PHF21B: variants seen among roughly 807,000 people sequenced by gnomAD.
The protein encoded by PHF21B is PHD finger protein 21B, also known as PHD finger protein 4.
A neutral mutation model predicts 62.2 loss-of-function variants in PHF21B; 22 were observed. The ratio of observed to expected loss-of-function variants is 0.35; its 90% CI spans 0.25 to 0.51. The LOEUF is 0.51. Among genes scored for constraint, PHF21B ranks in the 20% least tolerant of loss-of-function variants. The probability of loss-of-function intolerance (pLI) is 0.97; values close to 1 mark genes in which losing one functional copy is unlikely to be tolerated. For missense variants in PHF21B, 701 were observed against 707.9 expected (o/e 0.99, Z 0.11); for synonymous variants, 341 against 314.7 (o/e 1.08, Z -0.88).
intron 2 of PHF21B, among the ~76,000 whole-genome samples, chr22:44,935,108 C>T (rs1362319933): frequency 6.6e-6 from 1 of 152,172 alleles, no homozygotes; most frequent in African/African-American, 2.4e-5. Context: ...GCAATCGGTC[C>T]AGTGGTCACC....
At chr22:44,918,055 A>G (rs1050376199) in intron 3 of PHF21B, among the ~76,000 whole-genome samples, 2 of 152,262 alleles carry the variant, frequency 1.3e-5, no homozygotes, top group African/African-American at 2.4e-5. Flanking sequence ...ACCAGAGGTC[A>G]GGGCCTTTGT....
chr22:44,926,371 G>T (rs1374275952), intron 2 of PHF21B, among the ~76,000 whole-genome samples: 5 of 152,238 alleles, frequency 3.3e-5, no homozygotes, highest in Non-Finnish European at 7.3e-5. Context: ...ACATGGATGG[G>T]GCTGGCCAGC....
intron 2 of PHF21B, among the ~76,000 whole-genome samples, chr22:44,931,169 C>A (rs566711167): frequency 5.8e-4 from 88 of 152,358 alleles, no homozygotes; most frequent in Middle Eastern, 3.4e-3. Context: ...AGTCACCCAT[C>A]TCGGCCTCCC....
At chr22:44,950,396 G>A (rs1302333960) in intron 2 of PHF21B, among the ~76,000 whole-genome samples, 2 of 152,200 alleles carry the variant, frequency 1.3e-5, no homozygotes, top group Non-Finnish European at 2.9e-5. Flanking sequence ...TTCAACTGCA[G>A]TCTCTCTCAA....
chr22:44,954,186 T>C (rs1366337841), intron 2 of PHF21B, among the ~76,000 whole-genome samples: 1 of 151,346 alleles, frequency 6.6e-6, no homozygotes, highest in Admixed American at 6.6e-5. Flanking sequence ...CGTTTCTTTC[T>C]TGTTGTTAAA....
intron 2 of PHF21B, among the ~76,000 whole-genome samples, chr22:44,971,668 T>C (rs1569264839): frequency 6.6e-6 from 1 of 152,138 alleles, no homozygotes; most frequent in Non-Finnish European, 1.5e-5. Flanking sequence ...CCAGAAAACT[T>C]AGCCCTCCCA....
rs41278901 is a variant in PHF21B at position 44,883,312 on chromosome 22, G to A, written c.1378-8C>T. The A allele has an allele frequency of 0.029, 46,483 of 1,612,610 alleles. 1,026 individuals carry two copies. Among genetic ancestry groups the A allele is most frequent in the African/African-American group, 0.087 (6,554 of 75,014 alleles). On this transcript the variant is annotated splice_region_variant and splice_polypyrimidine_tract_variant and intron_variant, in intron 12 of 12. Coordinates refer to ENST00000313237, the MANE Select transcript of PHF21B (RefSeq NM_138415.5). Reference sequence around the variant, plus strand: ...CTTCAACTCCAGGCATTTCTGTTGGGGAGAAGGTCAGGGGAAAGGGTCTCA... The same window carrying A: ...CTTCAACTCCAGGCATTTCTGTTGGAGAGAAGGTCAGGGGAAAGGGTCTCA...
intron 2 of PHF21B, chr22:44,969,217 G>C (rs1042017189): frequency 1.3e-5 from 2 of 152,214 alleles, no homozygotes; most frequent in Non-Finnish European, 2.9e-5. Flanking sequence ...TAAAAGGAGG[G>C]GTGTTTTCAT....
intron 2 of PHF21B, among the ~76,000 whole-genome samples, chr22:44,949,024 C>T (rs919114481): frequency 7.2e-5 from 11 of 151,980 alleles, no homozygotes; most frequent in South Asian, 2.1e-4. Context: ...AGGTAGGGGC[C>T]GGGCGCGGTG....
intron 2 of PHF21B, among the ~76,000 whole-genome samples, chr22:44,932,284 CTT>C (rs1001061216): frequency 4.5e-4 from 69 of 152,348 alleles, no homozygotes; most frequent in Non-Finnish European, 9.7e-4. Context: ...TGCTGCCTCT[CTT>C]GAGCCTGAGG....
intron 2 of PHF21B, among the ~76,000 whole-genome samples, chr22:44,938,540 A>G (rs1233557439): frequency 1.3e-5 from 2 of 152,222 alleles, no homozygotes; most frequent in African/African-American, 4.8e-5. Flanking sequence ...AAAAATCTAT[A>G]TATTTTAAGA....
chr22:44,895,125 G>A (rs1312317299), intron 6 of PHF21B, among the ~76,000 whole-genome samples: 2 of 152,208 alleles, frequency 1.3e-5, no homozygotes, highest in Admixed American at 6.5e-5. Flanking sequence ...CAGGTGAGGT[G>A]GGTGTGGTGG....
chr22:44,917,990 G>A (rs2071469149), intron 3 of PHF21B, among the ~76,000 whole-genome samples: 1 of 152,212 alleles, frequency 6.6e-6, no homozygotes, highest in Non-Finnish European at 1.5e-5. Flanking sequence ...GCCACACCAC[G>A]GGCAGGCGAT....
chr22:44,987,477 T>C (rs1254967212), intron 2 of PHF21B, among the ~76,000 whole-genome samples: 1 of 152,172 alleles, frequency 6.6e-6, no homozygotes, highest in Non-Finnish European at 1.5e-5. Context: ...TCATCTTGCA[T>C]GTGAGCACAC....
At position 44,883,271 on chromosome 22, in the gene PHF21B, G is replaced by A. The variant is rs146353096; in HGVS notation, c.1411C>T (p.Arg471Cys). 1.1e-3 allele frequency: 1,730 copies of A among 1,613,732 alleles called. 1 individual carries two copies. Among genetic ancestry groups the A allele is most frequent in the Non-Finnish European group, 1.4e-3 (1,637 of 1,179,940 alleles). Residue 471 changes from arginine (R) to cysteine (C), a missense_variant, in exon 13 of 13, where the codon CGC (arginine) becomes TGC (cysteine). Coordinates refer to ENST00000313237, the MANE Select transcript of PHF21B (RefSeq NM_138415.5). ...CLELKTSLLA[R>C]QRGTQSSLDR... ...AGGGATGACTGGGTGCCCCTCTGGC[G>A]GGCCAGCAGGCTTGTCTTCAACTCC...
rs558183597 is a variant in PHF21B, at chr22:44,924,233, G to T, written c.121-3743C>A. Among the ~76,000 whole-genome samples the T allele has an allele frequency of 2.6e-5, 4 of 152,262 alleles. No individual in the cohort carries two copies. The South Asian group carries it at 8.3e-4, about 32-fold the overall frequency. On this transcript the variant is annotated intron_variant, in intron 2 of 12. Transcript: ENST00000313237. ...CAAATTAAAACCACAATAAGATACT[G>T]CTACAAGCCTATTCAGATGGCTAAA...
intron 2 of PHF21B, among the ~76,000 whole-genome samples, chr22:44,942,031 C>T (rs1569242883): frequency 6.6e-6 from 1 of 152,176 alleles, no homozygotes; most frequent in Non-Finnish European, 1.5e-5. Flanking sequence ...TGGCCCGAGG[C>T]CCAGTGGGGG....
chr22:44,930,965 G>A (rs574954353), intron 2 of PHF21B, among the ~76,000 whole-genome samples: 3 of 152,228 alleles, frequency 2.0e-5, no homozygotes, highest in African/African-American at 7.2e-5. Context: ...CAGCTCCGGA[G>A]AGGTGAGCTA....
chr22:45,009,608 C>T lies in PHF21B; in HGVS notation c.-59G>A. The T allele has an allele frequency of 6.7e-7, 1 of 1,486,040 alleles. No homozygotes were observed. Among genetic ancestry groups the T allele is most frequent in the Non-Finnish European group, 8.9e-7 (1 of 1,128,148 alleles). 92.1% of individuals were successfully genotyped at this position (1,486,040 alleles called of 1,614,324 possible). ...TGGCCCGGGCTCCCGGGAAGTTGCGCGGCTCCGCGGGGGCCAGAGCGGGCG... is the reference window on the plus strand; with the variant it reads ...TGGCCCGGGCTCCCGGGAAGTTGCGTGGCTCCGCGGGGGCCAGAGCGGGCG... On this transcript the variant is annotated 5_prime_UTR_variant, in exon 1 of 13. Transcript: ENST00000313237. This position sits in a 1 kb window ranked among gnomAD's most constrained non-coding sequence, Gnocchi z 5.9.
Sources: gnomAD v4.1 joint callset for allele counts (sites outside exome capture counted in the v4.1 genomes callset) on GRCh38, gnomAD v4.1.1 for gene constraint, Gnocchi (gnomAD v3.1) non-coding constraint, MANE v1.5 for transcripts, NCBI Gene and HGNC (gene_info 2026-07-23, HGNC 2026-07-21) for gene names.